Variants in INO80 observed in about 807,000 individuals in gnomAD.
INO80 encodes chromatin-remodeling ATPase INO80.
INO80 carries 20 observed loss-of-function variants against 203.4 expected under a neutral mutation model. That is an observed-to-expected ratio of 0.10 (90% confidence interval 0.07 to 0.14). The LOEUF (loss-of-function observed/expected upper bound fraction) is 0.14, where lower values mean the gene tolerates loss of function less well. Among genes scored for constraint, INO80 ranks in the 10% least tolerant of loss-of-function variants. The pLI is 1.00. For synonymous variants in INO80, 726 were observed against 685.2 expected, an observed-to-expected ratio of 1.06 and a Z score of -0.93; for missense variants, 1,419 against 1,914.4, an observed-to-expected ratio of 0.74 and a Z score of 4.83.
intron 4 of INO80, among the ~76,000 whole-genome samples, chr15:41,095,036 A>T (rs1266374675): frequency 3.3e-3 from 11 of 3,324 alleles, no homozygotes; most frequent in South Asian, 0.12. Context: ...GCAAATATTC[A>T]AAAAAAAAAA....
At chr15:41,042,449 G>A (rs927440172) in intron 24 of INO80, among the ~76,000 whole-genome samples, 2 of 151,868 alleles carry the variant, frequency 1.3e-5, no homozygotes, top group African/African-American at 4.8e-5. Flanking sequence ...AACACTCCTG[G>A]CCCTGAAAGC....
At chr15:41,036,920 G>A (rs2044585405) in intron 24 of INO80, among the ~76,000 whole-genome samples, 1 of 152,042 alleles carries the variant, frequency 6.6e-6, no homozygotes, top group African/African-American at 2.4e-5. Context: ...AGCCAATATG[G>A]CAAAACCCCG....
chr15:41,049,393 G>A lies in INO80; in HGVS notation c.2470C>T (p.Arg824Trp), dbSNP rs2140529152. 3.7e-6 allele frequency: 6 copies of A among 1,613,870 alleles called. No homozygotes were observed. Among genetic ancestry groups the A allele is most frequent in the Non-Finnish European group, 5.1e-6 (6 of 1,179,820 alleles). The stretch of plus-strand genomic sequence containing the variant: ...TGAAATGGAGACCAAGTTTCTTGCC[G>A]TTCAAATAACTCCGGGTGATTACAC... ...KVCNHPELFE[R>W]QETWSPFHIS... is the part of the protein sequence containing the mutation. The change falls in exon 21 of 36, where the codon CGG becomes TGG. Residue 824 changes from arginine (R) to tryptophan (W), a missense_variant. Coordinates refer to ENST00000648947, the MANE Select transcript of INO80 (RefSeq NM_017553.3).
At chr15:41,056,440 G>A (rs2044986032) in intron 17 of INO80, among the ~76,000 whole-genome samples, 182 bp downstream of exon 17, 1 of 152,234 alleles carries the variant, frequency 6.6e-6, no homozygotes, top group Non-Finnish European at 1.5e-5. Context: ...CCTTATGCCA[G>A]AGAATAAGAA....
chr15:41,021,249 C>T, intron 25 of INO80, 124 bp from the exon 26 acceptor site: 1 of 659,742 alleles, frequency 1.5e-6, no homozygotes, highest in Non-Finnish European at 2.7e-6. Context: ...TTTTAAATAT[C>T]TGTTCTGGCA....
intron 16 of INO80, among the ~76,000 whole-genome samples, chr15:41,057,816 A>AG (rs1206312998): frequency 6.7e-6 from 1 of 149,390 alleles, no homozygotes; most frequent in African/African-American, 2.5e-5. Context: ...AAAAAAAAAA[A>AG]AAAAGAAAGA....
intron 29 of INO80, among the ~76,000 whole-genome samples, chr15:40,994,856 A>T (rs1176643954): frequency 6.6e-6 from 1 of 152,176 alleles, no homozygotes; most frequent in Non-Finnish European, 1.5e-5. Flanking sequence ...CAATGAATGA[A>T]TGAACAAATG....
At chr15:40,996,900 T>C (rs571966130) in intron 29 of INO80, among the ~76,000 whole-genome samples, 2 of 152,340 alleles carry the variant, frequency 1.3e-5, no homozygotes, top group South Asian at 4.1e-4. Context: ...TCCAGTCTGT[T>C]TTCCCTGATG....
At chr15:41,094,954 T>A (rs763740234) in intron 4 of INO80, among the ~76,000 whole-genome samples, 18 of 151,784 alleles carry the variant, frequency 1.2e-4, no homozygotes, top group Non-Finnish European at 2.1e-4. Context: ...GTGTATAAGG[T>A]GTATATAAAA....
intron 12 of INO80, among the ~76,000 whole-genome samples, chr15:41,071,003 T>C (rs1260217246): frequency 6.6e-6 from 1 of 152,126 alleles, no homozygotes; most frequent in Admixed American, 6.5e-5. Flanking sequence ...AGCCCGTTTC[T>C]ACAAAAAATA....
At chr15:41,092,305 C>G in intron 4 of INO80, 123 bp from the exon 5 acceptor site, 1 of 603,762 alleles carries the variant, frequency 1.7e-6, no homozygotes, top group Non-Finnish European at 2.7e-6. Context: ...CTCCAGTTCC[C>G]CTTATGACAT....
intron 7 of INO80, among the ~76,000 whole-genome samples, chr15:41,083,982 G>A (rs2045523029): frequency 6.6e-6 from 1 of 151,988 alleles, no homozygotes; most frequent in African/African-American, 2.4e-5. Context: ...TTCTTCCCCA[G>A]CTACTCCTAC....
At chr15:41,079,677 C>G (rs2045456593) in intron 9 of INO80, 24 bp downstream of exon 9, 4 of 1,609,190 alleles carry the variant, frequency 2.5e-6, no homozygotes, top group Non-Finnish European at 3.4e-6. Flanking sequence ...TTAGGGTTTT[C>G]AAAATGTTAT....
chr15:40,992,362 T>TATAC (rs1180977163), intron 29 of INO80, among the ~76,000 whole-genome samples: 1 of 152,240 alleles, frequency 6.6e-6, no homozygotes, highest in East Asian at 1.9e-4. Flanking sequence ...TCAGGAAGCA[T>TATAC]ATACAGTGAC....
chr15:41,017,244 A>C (rs562140868), intron 26 of INO80: 7 of 152,282 alleles, frequency 4.6e-5, no homozygotes, highest in African/African-American at 1.4e-4. Context: ...CATCTTATCC[A>C]GTTAGTATCA....
At chr15:40,987,314 C>T (rs2140413933) in intron 30 of INO80, 121 bp from the exon 31 acceptor site, 2 of 593,164 alleles carry the variant, frequency 3.4e-6, no homozygotes, top group Non-Finnish European at 6.0e-6. Context: ...TTTCCTATTT[C>T]TTCTTTTCTC....
At chr15:41,087,215 T>A (rs1281929987) in intron 6 of INO80, among the ~76,000 whole-genome samples, 2 of 152,058 alleles carry the variant, frequency 1.3e-5, no homozygotes, top group Non-Finnish European at 2.9e-5. Flanking sequence ...CAATATAGGA[T>A]AACAAGTATT....
rs896990918 is a variant in INO80 at position 41,071,367 on chromosome 15, G to A, written c.1605+482C>T. 2.1e-4 allele frequency among the ~76,000 whole-genome samples: 32 copies of A among 151,234 alleles called. 1 individual carries two copies. The highest frequency in any genetic ancestry group is 7.5e-4 in the African/African-American group (31 of 41,178). Reference sequence around the variant, plus strand: ...CCCATTAACTCGTCATTTACATTAGGTATTTCTCCTACTGCTATCCCTCCC... The same window carrying A: ...CCCATTAACTCGTCATTTACATTAGATATTTCTCCTACTGCTATCCCTCCC... On this transcript the variant is annotated intron_variant, in intron 12 of 35. Transcript: ENST00000648947.
intron 1 of INO80, among the ~76,000 whole-genome samples, chr15:41,099,008 G>A (rs1266185946): frequency 6.6e-6 from 1 of 151,860 alleles, no homozygotes; most frequent in East Asian, 1.9e-4. Context: ...CATTTAGGAG[G>A]CTGAAGTGGG....
Sources: gnomAD v4.1 joint callset for allele counts (sites outside exome capture counted in the v4.1 genomes callset) on GRCh38, gnomAD v4.1.1 for gene constraint, MANE v1.5 for transcripts, NCBI Gene and HGNC (gene_info 2026-07-23, HGNC 2026-07-21) for gene names.